The following C22orf23 variants were observed in gnomAD, a reference collection of about 807,000 sequenced individuals.
C22orf23 encodes the protein chromosome 22 open reading frame 23.
Under a neutral mutation model 29.7 loss-of-function variants are expected in C22orf23, and 30 were observed. The observed-to-expected ratio is 1.01, with a 90% confidence interval of 0.76 to 1.37. The LOEUF (loss-of-function observed/expected upper bound fraction) is 1.37, where lower values mean the gene tolerates loss of function less well. Among genes scored for constraint, C22orf23 ranks in the 40% most tolerant of loss-of-function variants. The pLI is 0.00. For missense variants in C22orf23, 237 were observed against 273.1 expected (o/e 0.87, Z 0.93); for synonymous variants, 90 against 96.1 (o/e 0.94, Z 0.37).
rs1457312643 is a variant in C22orf23, at chr22:37,943,951, T to C, written c.*224A>G. Reference sequence around the variant, plus strand: ...TGTCCTAGTAGGGATGCTCGGGCTTTGCTTCTCTGCGGACGGGGCTGTGAG... The same window carrying C: ...TGTCCTAGTAGGGATGCTCGGGCTTCGCTTCTCTGCGGACGGGGCTGTGAG... On this transcript the variant is annotated 3_prime_UTR_variant, in exon 7 of 7. Transcript: ENST00000403305. 1.7e-6 allele frequency: 1 copy of C among 598,842 alleles called. No individual in the cohort carries two copies. Among genetic ancestry groups the C allele is most frequent in the Non-Finnish European group, 3.0e-6 (1 of 335,532 alleles). The allele number at this position is 598,842 out of a possible 1,614,324, so 37.1% of individuals were successfully genotyped here.
chr22:37,950,418 G>C (rs1273359393), intron 3 of C22orf23, among the ~76,000 whole-genome samples: 1 of 151,734 alleles, frequency 6.6e-6, no homozygotes, highest in Non-Finnish European at 1.5e-5. Flanking sequence ...GGCCTGACCT[G>C]TTTTTATTTT....
intron 5 of C22orf23, 136 bp from the exon 6 acceptor site, chr22:37,944,653 C>A: frequency 2.7e-6 from 2 of 729,574 alleles, no homozygotes; most frequent in Non-Finnish European, 4.5e-6. Context: ...ATAATCCCAG[C>A]ACTTTGGGAG....
rs577765209 is a variant in C22orf23 at position 37,943,388 on chromosome 22, T to C, written c.*787A>G. 8.5e-5 allele frequency: 13 copies of C among 152,354 alleles called. No homozygotes were observed. The highest frequency in any genetic ancestry group is 2.9e-4 in the African/African-American group (12 of 41,590). The allele number at this position is 152,354 out of a possible 1,614,324, so 9.4% of individuals were successfully genotyped here. A position where few individuals can be genotyped will look rare whatever the true frequency, so the allele number is the denominator to read the frequency against. The stretch of plus-strand genomic sequence containing the variant: ...GCTCTAGGTCGCTCCCACCTTTTCA[T>C]GTTTCTTTCTGTGGCCATGGGTATA... On this transcript the variant is annotated 3_prime_UTR_variant, in exon 7 of 7. Coordinates refer to ENST00000403305, the MANE Select transcript of C22orf23 (RefSeq NM_032561.5).
Position 37,944,202 on chromosome 22 carries a change from T to C in C22orf23, c.627A>G (p.Glu209=), listed in dbSNP as rs534963003. Residue 209 remains glutamate, a synonymous_variant, in exon 7 of 7, where the codon GAA becomes GAG. Transcript: ENST00000403305. ...MEDIDHRRSE[E]LRKGLATT is the part of the protein sequence containing the mutation. ...AAGTGGTGGCAAGACCCTTCCTAAG[T>C]TCCTCACTCCTTCTGTGGTCAATGT... 1 of 1,614,182 alleles carries C rather than the reference T, an allele frequency of 6.2e-7. No individual in the cohort carries two copies. The highest frequency in any genetic ancestry group is 1.3e-5 in the African/African-American group (1 of 75,040).
intron 5 of C22orf23, 135 bp downstream of exon 5, chr22:37,944,899 AAAATAAAT>A (rs370662580): frequency 1.1e-4 from 100 of 917,250 alleles, no homozygotes; most frequent in Middle Eastern, 7.1e-4. Context: ...AGACTGTCTC[AAAATAAAT>A]AAATAAATAA....
At chr22:37,944,286 G>C (rs373177497) in intron 6 of C22orf23, 40 bp from the exon 7 acceptor site, 124 of 1,613,922 alleles carry the variant, frequency 7.7e-5, no homozygotes, top group Non-Finnish European at 9.7e-5. Flanking sequence ...ATCAGGGCTA[G>C]GAACCTGAGG....
chr22:37,947,999 C>T (rs560673373), intron 3 of C22orf23, among the ~76,000 whole-genome samples: 1 of 151,434 alleles, frequency 6.6e-6, no homozygotes, highest in Admixed American at 6.6e-5. Context: ...CCCTACTGCT[C>T]GGGAGGCTGA....
At chr22:37,945,332 A>G (rs1006503728) in intron 4 of C22orf23, among the ~76,000 whole-genome samples, 159 bp from the exon 5 acceptor site, 1 of 152,038 alleles carries the variant, frequency 6.6e-6, no homozygotes, top group Admixed American at 6.6e-5. Context: ...GCAATACTGT[A>G]CTGTCAAGAG....
At chr22:37,952,540 C>T (rs1482085713) in intron 2 of C22orf23, 12 of 148,776 alleles carry the variant, frequency 8.1e-5, no homozygotes, top group Non-Finnish European at 1.2e-4. Context: ...CTCCCCCCCG[C>T]CCCGCCCCGC....
Position 37,943,862 on chromosome 22 carries a change from C to G in C22orf23, c.*313G>C. ...CATATTCATTCCTGAATTCAGAAAA[C>G]TAAATGAACAGGCCACAGGTCAGAA... On this transcript the variant is annotated 3_prime_UTR_variant, in exon 7 of 7. Transcript: ENST00000403305. 1 of 378,954 alleles carries G rather than the reference C, an allele frequency of 2.6e-6. No homozygotes were observed. The highest frequency in any genetic ancestry group is 4.8e-6 in the Non-Finnish European group (1 of 208,954). 23.5% of individuals were successfully genotyped at this position (378,954 alleles called of 1,614,324 possible).
intron 3 of C22orf23, among the ~76,000 whole-genome samples, chr22:37,948,788 C>T (rs1212169147): frequency 6.6e-6 from 1 of 152,118 alleles, no homozygotes; most frequent in Non-Finnish European, 1.5e-5. Context: ...GATATATGTG[C>T]ATATAAGATT....
intron 3 of C22orf23, 194 bp downstream of exon 3, chr22:37,951,266 G>T: frequency 1.9e-6 from 1 of 534,842 alleles, no homozygotes; most frequent in Non-Finnish European, 3.3e-6. Context: ...GCGTTGCCCG[G>T]GCTGGTCTTG....
intron 4 of C22orf23, 125 bp downstream of exon 4, chr22:37,947,156 T>C: frequency 1.0e-6 from 1 of 975,384 alleles, no homozygotes; most frequent in Non-Finnish European, 1.6e-6. Flanking sequence ...CTCAAGAGCA[T>C]TGGTACAAAG....
chr22:37,953,523 C>G lies in C22orf23; in HGVS notation c.-85G>C, dbSNP rs1227892130. On this transcript the variant is annotated 5_prime_UTR_variant, in exon 1 of 7. Coordinates refer to ENST00000403305, the MANE Select transcript of C22orf23 (RefSeq NM_032561.5). ...GAGGCGGTGACCACTGCTTTACAGCCGCATCCGCACCGGTGCCACGCAGAA... is the reference window on the plus strand; with the variant it reads ...GAGGCGGTGACCACTGCTTTACAGCGGCATCCGCACCGGTGCCACGCAGAA... 21 of 564,892 alleles carry G rather than the reference C, an allele frequency of 3.7e-5. No individual in the cohort carries two copies. The highest frequency in any genetic ancestry group is 6.7e-5 in the South Asian group (3 of 44,670). 35.0% of individuals were successfully genotyped at this position (564,892 alleles called of 1,614,324 possible). A position where few individuals can be genotyped will look rare whatever the true frequency, so the allele number is the denominator to read the frequency against.
At chr22:37,944,658 T>C (rs551124417) in intron 5 of C22orf23, 141 bp from the exon 6 acceptor site, 29 of 695,462 alleles carry the variant, frequency 4.2e-5, no homozygotes, top group Non-Finnish European at 6.2e-5. Context: ...CCCAGCACTT[T>C]GGGAGGCCAA....
intron 4 of C22orf23, 150 bp from the exon 5 acceptor site, chr22:37,945,323 CAATACTGT>C (rs1930632841): frequency 8.0e-6 from 7 of 874,178 alleles, no homozygotes; most frequent in Non-Finnish European, 8.6e-6. Context: ...TTCTCCTGAG[CAATACTGT>C]ACTGTCAAGA....
chr22:37,953,296 C>T (rs1931185878), intron 1 of C22orf23, 138 bp from the exon 2 acceptor site: 5 of 618,572 alleles, frequency 8.1e-6, no homozygotes, highest in Non-Finnish European at 1.1e-5. Context: ...TGCGACAGTG[C>T]CCAAACCTCC....
At chr22:37,950,319 C>T (rs1307582041) in intron 3 of C22orf23, among the ~76,000 whole-genome samples, 1 of 151,970 alleles carries the variant, frequency 6.6e-6, no homozygotes, top group Non-Finnish European at 1.5e-5. Flanking sequence ...ACCATGTTGG[C>T]CAGGCTGGTC....
intron 2 of C22orf23, 154 bp from the exon 3 acceptor site, chr22:37,951,676 C>G: frequency 2.1e-6 from 1 of 471,898 alleles, no homozygotes; most frequent in Admixed American, 3.7e-5. Flanking sequence ...ATAGCACTTA[C>G]GACCACCTAA....
Sources: allele counts gnomAD v4.1 joint callset (sites outside exome capture counted in the v4.1 genomes callset), GRCh38; gene constraint gnomAD v4.1.1; transcripts MANE v1.5; gene names NCBI Gene and HGNC (gene_info 2026-07-23, HGNC 2026-07-21).